The following SDR42E1 variants were observed in gnomAD, a reference collection of about 807,000 sequenced individuals.
The protein encoded by SDR42E1 is short-chain dehydrogenase/reductase family 42E member 1.
Under a neutral mutation model 2.6 loss-of-function variants are expected in SDR42E1, and 5 were observed. That is an observed-to-expected ratio of 1.94 (90% CI 1.01 to 4.08). SDR42E1 has a LOEUF of 4.08. Ranked by LOEUF, SDR42E1 falls within the 30% of genes most tolerant of loss-of-function variation. The probability of loss-of-function intolerance (pLI) is 0.00; values close to 1 mark genes in which losing one functional copy is unlikely to be tolerated. For missense variants in SDR42E1, 596 were observed against 478.6 expected (o/e 1.25, Z -2.29); for synonymous variants, 231 against 188.3 (o/e 1.23, Z -1.86).
rs199769661 is a variant in SDR42E1 at position 81,999,650 on chromosome 16, C to A, written c.643G>T (p.Asp215Tyr). 8 of 1,614,042 alleles carry A rather than the reference C, an allele frequency of 5.0e-6. No homozygotes were observed. Among genetic ancestry groups the A allele is most frequent in the African/African-American group, 4.0e-5 (3 of 74,896 alleles). The change falls in exon 3 of 3, where the codon GAC (aspartate) becomes TAC (tyrosine). Residue 215 changes from aspartate to tyrosine, a missense_variant. Asp to Tyr is a radical substitution (Grantham distance 160, BLOSUM62 -3). Coordinates refer to ENST00000328945, the MANE Select transcript of SDR42E1 (RefSeq NM_145168.3). ...ACAAACTCAACCAGGCTCCTGGGGTCCCCGTAGACAAACTTGAACAGACCC... is the reference window on the plus strand; with the variant it reads ...ACAAACTCAACCAGGCTCCTGGGGTACCCGTAGACAAACTTGAACAGACCC... ...EKGLFKFVYG[D>Y]PRSLVEFVHV...
rs551591280 is a variant in SDR42E1 at position 82,011,167 on chromosome 16, G to C, written c.-27+220C>G. ...TAAAAACAAAAAATGCGGAGGGCCAGTGTTTGAGGCCTTGGCGACATTCTA... is the reference window on the plus strand; with the variant it reads ...TAAAAACAAAAAATGCGGAGGGCCACTGTTTGAGGCCTTGGCGACATTCTA... On this transcript the variant is annotated intron_variant, in intron 1 of 2. Coordinates refer to ENST00000328945, the MANE Select transcript of SDR42E1 (RefSeq NM_145168.3). Among the ~76,000 whole-genome samples, 8 of 152,368 alleles carry C rather than the reference G, an allele frequency of 5.3e-5. No homozygotes were observed. In the South Asian group the frequency reaches 1.7e-3, roughly 32 times the overall value.
chr16:82,008,322 G>T (rs529644937), intron 1 of SDR42E1, among the ~76,000 whole-genome samples: 1 of 152,354 alleles, frequency 6.6e-6, no homozygotes, highest in Non-Finnish European at 1.5e-5. Flanking sequence ...CTACTGTAAA[G>T]ATATCTGAAA....
rs561797258 is a variant in SDR42E1 at position 81,997,632 on chromosome 16, T to A, written c.*1479A>T. On this transcript the variant is annotated 3_prime_UTR_variant, in exon 3 of 3. Coordinates refer to ENST00000328945, the MANE Select transcript of SDR42E1 (RefSeq NM_145168.3). ...TCCAAACACGTTTTCCTAAAAACAATCACTACCATCACCTCATACTGATGT... is the reference window on the plus strand; with the variant it reads ...TCCAAACACGTTTTCCTAAAAACAAACACTACCATCACCTCATACTGATGT... 3 of 152,338 alleles carry A rather than the reference T, an allele frequency of 2.0e-5. No individual in the cohort carries two copies. The highest frequency in any genetic ancestry group is 7.2e-5 in the African/African-American group (3 of 41,568). The allele number at this position is 152,338 out of a possible 1,614,324, so 9.4% of individuals were successfully genotyped here. A position where few individuals can be genotyped will look rare whatever the true frequency, so the allele number is the denominator to read the frequency against.
In SDR42E1 at chr16:81,999,510, G is replaced by C; in HGVS notation, c.783C>G (p.Asn261Lys). The change falls in exon 3 of 3, where the codon AAC (asparagine) becomes AAG (lysine). Residue 261 changes from asparagine (N) to lysine (K), a missense_variant. Transcript: ENST00000328945. ...CCAGAGGCCGGAAGAACTCAAAGTT[G>C]TTCACGGGTCTGCCATCTGAGATGA... ...PYFISDGRPV[N>K]NFEFFRPLVE... 6.2e-7 allele frequency: 1 copy of C among 1,614,188 alleles called. No individual in the cohort carries two copies. Among genetic ancestry groups the C allele is most frequent in the Non-Finnish European group, 8.5e-7 (1 of 1,180,034 alleles).
At position 82,000,235 on chromosome 16, in the gene SDR42E1, A is replaced by G. The variant is rs766229425; in HGVS notation, c.69-11T>C. 1.2e-6 allele frequency: 2 copies of G among 1,601,930 alleles called. No homozygotes were observed. The highest frequency in any genetic ancestry group is 1.7e-6 in the Non-Finnish European group (2 of 1,177,486). ...AGGGCACAGCCCAGGCTGAAATAAGAAACAGTAAACGTTGAATCAAGTCAC... is the reference window on the plus strand; with the variant it reads ...AGGGCACAGCCCAGGCTGAAATAAGGAACAGTAAACGTTGAATCAAGTCAC... On this transcript the variant is annotated splice_polypyrimidine_tract_variant and intron_variant, in intron 2 of 2. Transcript: ENST00000328945.
chr16:82,011,205 G>A (rs113145042), intron 1 of SDR42E1, among the ~76,000 whole-genome samples, 182 bp downstream of exon 1: 3,851 of 152,322 alleles, frequency 0.025, 160 homozygotes, highest in African/African-American at 0.085. Flanking sequence ...AAGCCAAGCT[G>A]CGCCCGGTCC....
chr16:81,999,208 C>T lies in SDR42E1; in HGVS notation c.1085G>A (p.Arg362His), dbSNP rs374487422. Residue 362 changes from arginine to histidine, a missense_variant, in exon 3 of 3, where the codon CGT (arginine) becomes CAT (histidine). By Grantham distance (29) the Arg-to-His change is conservative. Transcript: ENST00000328945. ...ATCCCAAACAAAACACTCCGAGTCACGACTTCCAGAACTTCTGCCATGACC... is the reference window on the plus strand; with the variant it reads ...ATCCCAAACAAAACACTCCGAGTCATGACTTCCAGAACTTCTGCCATGACC... ...AHGHGRSSGS[R>H]DSECFVWDGL... 24 of 1,614,088 alleles carry T rather than the reference C, an allele frequency of 1.5e-5. No homozygotes were observed. The highest frequency in any genetic ancestry group is 1.6e-4 in the Middle Eastern group (1 of 6,084).
Position 81,999,926 on chromosome 16 carries a change from T to C in SDR42E1, c.367A>G (p.Thr123Ala). Residue 123 changes from threonine (T) to alanine (A), a missense_variant, in exon 3 of 3, where the codon ACT (threonine) becomes GCT (alanine). Physicochemically the swap from Thr to Ala is moderately conservative, Grantham distance 58. Transcript: ENST00000328945. ...RRVPRLVYTS[T>A]FNVIFGGQVI... is the part of the protein sequence containing the mutation. ...TGACCTCCAAAGATGACATTGAAAG[T>C]GCTGGTGTAAACTAACCTGGGCACC... 1.2e-6 allele frequency: 2 copies of C among 1,614,208 alleles called. No homozygotes were observed. The highest frequency in any genetic ancestry group is 1.7e-6 in the Non-Finnish European group (2 of 1,180,042).
chr16:82,003,670 A>G (rs1287357566), intron 1 of SDR42E1, among the ~76,000 whole-genome samples: 1 of 152,212 alleles, frequency 6.6e-6, no homozygotes, highest in Non-Finnish European at 1.5e-5. Context: ...GACTTCTCTG[A>G]TCACCCTAGC....
rs751419793 is a variant in SDR42E1, at chr16:82,000,031, C to G, written c.262G>C (p.Glu88Gln). ...HIASYGMSGR[E>Q]QLNRNLIKEV... is the part of the protein sequence containing the mutation. ...TTGATCAGGTTTCGATTGAGTTGCT[C>G]CCGCCCTGACATACCATAAGAGGCA... The change falls in exon 3 of 3, where the codon GAG becomes CAG. Residue 88 changes from glutamate to glutamine, a missense_variant. By Grantham distance (29) the Glu-to-Gln change is conservative. Transcript: ENST00000328945. 6.2e-7 allele frequency: 1 copy of G among 1,614,218 alleles called. No individual in the cohort carries two copies. Among genetic ancestry groups the G allele is most frequent in the South Asian group, 1.1e-5 (1 of 91,086 alleles).
chr16:81,992,048 C>G lies in SDR42E1; in HGVS notation c.*7063G>C, dbSNP rs1037853709. 1 of 152,060 alleles carries G rather than the reference C, an allele frequency of 6.6e-6. No individual in the cohort carries two copies. Among genetic ancestry groups the G allele is most frequent in the Admixed American group, 6.6e-5 (1 of 15,250 alleles). 9.4% of individuals were successfully genotyped at this position (152,060 alleles called of 1,614,324 possible). On this transcript the variant is annotated 3_prime_UTR_variant, in exon 3 of 3. Coordinates refer to ENST00000328945, the MANE Select transcript of SDR42E1 (RefSeq NM_145168.3). ...GTGGGCGCCTGTAATCCTATTGACT[C>G]AGGAGGCTGAGGCAGAAGAATCGCT...
At chr16:82,000,960 A>T in intron 1 of SDR42E1, 76 bp from the exon 2 acceptor site, 1 of 975,894 alleles carries the variant, frequency 1.0e-6, no homozygotes, top group Non-Finnish European at 1.6e-6. Context: ...CCTAACAAAA[A>T]CAAAAAGTCA....
chr16:82,000,900 T>C lies in SDR42E1; in HGVS notation c.-26-16A>G, dbSNP rs781455453. ...ATAACTGGACCTGAAGAAAGAAGTATGCATCACTGTTACTGATCCAAATGC... is the reference window on the plus strand; with the variant it reads ...ATAACTGGACCTGAAGAAAGAAGTACGCATCACTGTTACTGATCCAAATGC... On this transcript the variant is annotated splice_polypyrimidine_tract_variant and intron_variant, in intron 1 of 2. Coordinates refer to ENST00000328945, the MANE Select transcript of SDR42E1 (RefSeq NM_145168.3). The C allele has an allele frequency of 4.6e-6, 7 of 1,531,388 alleles. No individual in the cohort carries two copies. In the African/African-American group the frequency reaches 9.8e-5, roughly 21 times the overall value. The allele number at this position is 1,531,388 out of a possible 1,614,324, so 94.9% of individuals were successfully genotyped here.
chr16:82,000,703 G>A (rs1323122726), intron 2 of SDR42E1, 88 bp downstream of exon 2: 1 of 973,122 alleles, frequency 1.0e-6, no homozygotes, highest in South Asian at 1.4e-5. Context: ...ACACAAACAA[G>A]TAAAAGTCTG....
rs1912527536 is a variant in SDR42E1, at chr16:81,995,739, A to G, written c.*3372T>C. On this transcript the variant is annotated 3_prime_UTR_variant, in exon 3 of 3. Coordinates refer to ENST00000328945, the MANE Select transcript of SDR42E1 (RefSeq NM_145168.3). Reference sequence around the variant, plus strand: ...GCATTCATTGGACAAATACTTATTGAACTCCTGCACTGTGCCGGGCATTAG... The same window carrying G: ...GCATTCATTGGACAAATACTTATTGGACTCCTGCACTGTGCCGGGCATTAG... 1 of 152,234 alleles carries G rather than the reference A, an allele frequency of 6.6e-6. No individual in the cohort carries two copies. The highest frequency in any genetic ancestry group is 1.5e-5 in the Non-Finnish European group (1 of 68,044). 9.4% of individuals were successfully genotyped at this position (152,234 alleles called of 1,614,324 possible).
chr16:82,009,558 C>T (rs372421498), intron 1 of SDR42E1, among the ~76,000 whole-genome samples: 4 of 152,318 alleles, frequency 2.6e-5, no homozygotes, highest in East Asian at 1.9e-4. Flanking sequence ...GTAGCCCCTT[C>T]GTTGTGGCCA....
intron 1 of SDR42E1, among the ~76,000 whole-genome samples, chr16:82,006,843 A>G (rs1323347216): frequency 6.6e-6 from 1 of 152,214 alleles, no homozygotes; most frequent in Admixed American, 6.5e-5. Flanking sequence ...CCTTGGAAGA[A>G]AATTACCTAA....
rs1912555144 is a variant in SDR42E1 at position 81,996,917 on chromosome 16, C to T, written c.*2194G>A. On this transcript the variant is annotated 3_prime_UTR_variant, in exon 3 of 3. Coordinates refer to ENST00000328945, the MANE Select transcript of SDR42E1 (RefSeq NM_145168.3). Reference sequence around the variant, plus strand: ...TAAACACCCGAGACTGTGGAAACGACAGTGCATGGCTGTGGCTGTGAGTAT... The same window carrying T: ...TAAACACCCGAGACTGTGGAAACGATAGTGCATGGCTGTGGCTGTGAGTAT... 6.6e-6 allele frequency: 1 copy of T among 152,214 alleles called. No homozygotes were observed. The highest frequency in any genetic ancestry group is 1.5e-5 in the Non-Finnish European group (1 of 68,056). 9.4% of individuals were successfully genotyped at this position (152,214 alleles called of 1,614,324 possible). A position where few individuals can be genotyped will look rare whatever the true frequency, so the allele number is the denominator to read the frequency against.
In SDR42E1 at chr16:81,993,204, T is replaced by A. The variant is rs567964353; in HGVS notation, c.*5907A>T. The stretch of plus-strand genomic sequence containing the variant: ...ATTCAGCAAAGTTGTACTGAGCACC[T>A]GCTGTAGCAAAGCACTGCAAAGGGA... On this transcript the variant is annotated 3_prime_UTR_variant, in exon 3 of 3. Transcript: ENST00000328945. 6 of 152,298 alleles carry A rather than the reference T, an allele frequency of 3.9e-5. No homozygotes were observed. In the East Asian group the frequency reaches 1.2e-3, roughly 29 times the overall value. The allele number at this position is 152,298 out of a possible 1,614,324, so 9.4% of individuals were successfully genotyped here. A position where few individuals can be genotyped will look rare whatever the true frequency, so the allele number is the denominator to read the frequency against.
Sources: allele counts gnomAD v4.1 joint callset (sites outside exome capture counted in the v4.1 genomes callset), GRCh38; gene constraint gnomAD v4.1.1; transcripts MANE v1.5; gene names NCBI Gene and HGNC (gene_info 2026-07-23, HGNC 2026-07-21).